Variants in TOP1 observed in about 807,000 individuals in gnomAD.
The protein encoded by TOP1 is DNA topoisomerase I, also known as DNA topoisomerase 1.
A neutral mutation model predicts 111.1 loss-of-function variants in TOP1; 10 were observed. The observed-to-expected ratio is 0.09, with a 90% CI of 0.06 to 0.15. TOP1 has a LOEUF of 0.15. Among genes scored for constraint, TOP1 ranks in the 10% least tolerant of loss-of-function variants. The probability of loss-of-function intolerance (pLI) is 1.00; values close to 1 mark genes in which losing one functional copy is unlikely to be tolerated. For missense variants in TOP1, 474 were observed against 926.7 expected (o/e 0.51, Z 6.34); for synonymous variants, 271 against 302.9 (o/e 0.89, Z 1.10).
Position 41,100,349 on chromosome 20 carries a change from A to G in TOP1, c.1163+106A>G, listed in dbSNP as rs2034042910. The G allele has an allele frequency of 1.1e-6, 1 of 912,598 alleles. No homozygotes were observed. The highest frequency in any genetic ancestry group is 1.6e-6 in the Non-Finnish European group (1 of 607,556). 56.5% of individuals were successfully genotyped at this position (912,598 alleles called of 1,614,324 possible). A position where few individuals can be genotyped will look rare whatever the true frequency, so the allele number is the denominator to read the frequency against. On this transcript the variant is annotated intron_variant, in intron 12 of 20. Transcript: ENST00000361337. The surrounding 1 kb of genome is among the most constrained non-coding windows in gnomAD (Gnocchi z 4.4). ...CACAGGACTGTTTGGGAAGGGAGAT[A>G]CTTAAGAGCAGGACAGTATTTCATG...
rs185785666 is a variant in TOP1 at position 41,034,383 on chromosome 20, G to A, written c.58+4928G>A. ...GTAGAAAATCTAAAATAGAGGCCAG[G>A]GTTGGAATAATTAGCATTTTGCCAA... On this transcript the variant is annotated intron_variant, in intron 2 of 20. Coordinates refer to ENST00000361337, the MANE Select transcript of TOP1 (RefSeq NM_003286.4). This position sits in a 1 kb window ranked among gnomAD's most constrained non-coding sequence, Gnocchi z 4.0. Among the ~76,000 whole-genome samples the A allele has an allele frequency of 6.6e-6, 1 of 152,246 alleles. No individual in the cohort carries two copies. Among genetic ancestry groups the A allele is most frequent in the East Asian group, 1.9e-4 (1 of 5,188 alleles).
intron 3 of TOP1, chr20:41,072,715 C>T (rs2033682267): frequency 2.0e-6 from 2 of 985,262 alleles, no homozygotes; most frequent in African/African-American, 3.5e-5. Flanking sequence ...GAGGCAGGGA[C>T]GGTAACAGCA....
At chr20:41,064,670 T>C (rs1356500289) in intron 3 of TOP1, among the ~76,000 whole-genome samples, 2 of 152,206 alleles carry the variant, frequency 1.3e-5, no homozygotes, top group Non-Finnish European at 2.9e-5. Flanking sequence ...GTCATTCTTT[T>C]AGTTGCAGCT....
In TOP1 at chr20:41,029,153, G is replaced by C; in HGVS notation, c.33+53G>C. The C allele has an allele frequency of 7.3e-7, 1 of 1,373,538 alleles. No homozygotes were observed. The highest frequency in any genetic ancestry group is 3.2e-5 in the Admixed American group (1 of 31,622). 85.1% of individuals were successfully genotyped at this position (1,373,538 alleles called of 1,614,324 possible). On this transcript the variant is annotated intron_variant, in intron 1 of 20. Coordinates refer to ENST00000361337, the MANE Select transcript of TOP1 (RefSeq NM_003286.4). The surrounding 1 kb of genome is among the most constrained non-coding windows in gnomAD (Gnocchi z 6.1). ...CCGGACCCCGGCCTGGCCGTCCCGC[G>C]ACCCCCGGCGCAGGCCCCGACCCCA...
At chr20:41,052,112 C>A (rs1012954175) in intron 2 of TOP1, among the ~76,000 whole-genome samples, 1 of 152,108 alleles carries the variant, frequency 6.6e-6, no homozygotes, top group Non-Finnish European at 1.5e-5. Flanking sequence ...AGATTTGAAG[C>A]TCTTTACCAC....
intron 2 of TOP1, among the ~76,000 whole-genome samples, chr20:41,052,106 T>G (rs929165643): frequency 6.6e-6 from 1 of 152,194 alleles, no homozygotes; most frequent in South Asian, 2.1e-4. Flanking sequence ...GGACAGAGAT[T>G]TGAAGCTCTT....
At chr20:41,076,914 A>G (rs2033733943) in intron 4 of TOP1, among the ~76,000 whole-genome samples, 1 of 152,080 alleles carries the variant, frequency 6.6e-6, no homozygotes, top group African/African-American at 2.4e-5. Context: ...ATTCTTCCAT[A>G]GATACTCTGT....
Position 41,102,549 on chromosome 20 carries a change from G to A in TOP1, c.1308+1196G>A, listed in dbSNP as rs544237644. 5.3e-5 allele frequency among the ~76,000 whole-genome samples: 8 copies of A among 152,304 alleles called. No individual in the cohort carries two copies. In the East Asian group the frequency reaches 9.6e-4, roughly 18 times the overall value. On this transcript the variant is annotated intron_variant, in intron 13 of 20. Transcript: ENST00000361337. This position sits in a 1 kb window ranked among gnomAD's most constrained non-coding sequence, Gnocchi z 4.0. Reference sequence around the variant, plus strand: ...CGCTTGAACCTGGGAGGCAGAGGTCGCAGTGAGCTGAGATCACGCCACTGC... The same window carrying A: ...CGCTTGAACCTGGGAGGCAGAGGTCACAGTGAGCTGAGATCACGCCACTGC...
Position 41,122,075 on chromosome 20 carries a change from C to A in TOP1, c.2115C>A (p.Ala705=), listed in dbSNP as rs2034432586. The change falls in exon 20 of 21, where the codon GCC becomes GCA. Residue 705 remains alanine, a synonymous_variant. Transcript: ENST00000361337. The surrounding 1 kb of genome is among the most constrained non-coding windows in gnomAD (Gnocchi z 5.4). The stretch of plus-strand genomic sequence containing the variant: ...AGTTGATGAAGCTGGAAGTTCAAGC[C>A]ACAGACCGAGAGGAAAATAAACAGA... ...EEQLMKLEVQ[A]TDREENKQIA... is the part of the protein sequence containing the mutation. The A allele has an allele frequency of 1.2e-6, 2 of 1,614,132 alleles. No individual in the cohort carries two copies. Among genetic ancestry groups the A allele is most frequent in the African/African-American group, 2.7e-5 (2 of 75,024 alleles).
chr20:41,029,038 C>G lies in TOP1; in HGVS notation c.-30C>G, dbSNP rs1303892741. ...CTGCGTCTCCCCCACGCCGCCTCGC[C>G]TGCCGCCGCGCTCGTCCCTCCGGGC... On this transcript the variant is annotated 5_prime_UTR_variant, in exon 1 of 21. Transcript: ENST00000361337. The surrounding 1 kb of genome is among the most constrained non-coding windows in gnomAD (Gnocchi z 6.1). 3 of 1,543,640 alleles carry G rather than the reference C, an allele frequency of 1.9e-6. No individual in the cohort carries two copies. In the African/African-American group the frequency reaches 4.2e-5, roughly 22 times the overall value.
chr20:41,040,722 C>T (rs2033252238), intron 2 of TOP1, among the ~76,000 whole-genome samples: 2 of 147,300 alleles, frequency 1.4e-5, no homozygotes, highest in South Asian at 4.3e-4. Context: ...AGGAGAATCA[C>T]TTGAACCTGG....
Position 41,061,523 on chromosome 20 carries a change from T to C in TOP1, c.155+33T>C. ...TGGAATCAAGCAAGTCCCTCATCAT[T>C]CAGCAGTGGGTTGGCCATTGCTTGG... On this transcript the variant is annotated intron_variant, in intron 3 of 20. Transcript: ENST00000361337. The surrounding 1 kb of genome is among the most constrained non-coding windows in gnomAD (Gnocchi z 4.6). 1 of 1,550,630 alleles carries C rather than the reference T, an allele frequency of 6.4e-7. No homozygotes were observed. Among genetic ancestry groups the C allele is most frequent in the Non-Finnish European group, 8.8e-7 (1 of 1,142,452 alleles).
Position 41,116,631 on chromosome 20 carries a change from C to T in TOP1, c.1822+239C>T, listed in dbSNP as rs1379088532. ...TTCATGGAATGCTGACAGCTTTTCACCTGCTACAAAAATGCCTGCATTTGT... is the reference window on the plus strand; with the variant it reads ...TTCATGGAATGCTGACAGCTTTTCATCTGCTACAAAAATGCCTGCATTTGT... On this transcript the variant is annotated intron_variant, in intron 17 of 20. Coordinates refer to ENST00000361337, the MANE Select transcript of TOP1 (RefSeq NM_003286.4). The surrounding 1 kb of genome is among the most constrained non-coding windows in gnomAD (Gnocchi z 5.6). 6.6e-6 allele frequency among the ~76,000 whole-genome samples: 1 copy of T among 152,188 alleles called. No individual in the cohort carries two copies. Among genetic ancestry groups the T allele is most frequent in the Non-Finnish European group, 1.5e-5 (1 of 68,034 alleles).
At chr20:41,113,949 T>C (rs1568705908) in intron 14 of TOP1, 21 bp from the exon 15 acceptor site, 1 of 1,602,548 alleles carries the variant, frequency 6.2e-7, no homozygotes, top group East Asian at 2.2e-5. Flanking sequence ...CATGCTCATC[T>C]TTTCTTTCTT....
rs377572823 is a variant in TOP1, at chr20:41,029,482, G to A, written c.58+27G>A. The A allele has an allele frequency of 1.3e-4, 202 of 1,549,942 alleles. 2 individuals are homozygous for A. The African/African-American group carries it at 2.5e-3, about 19-fold the overall frequency. On this transcript the variant is annotated intron_variant, in intron 2 of 20. Coordinates refer to ENST00000361337, the MANE Select transcript of TOP1 (RefSeq NM_003286.4). This position sits in a 1 kb window ranked among gnomAD's most constrained non-coding sequence, Gnocchi z 6.1. ...TGAGTGTGCCCCCTGCGCCGACTCC[G>A]GGGCCCCCCAGCCGCCGGCCGCCTC...
chr20:41,073,881 A>C (rs2033695671), intron 3 of TOP1, among the ~76,000 whole-genome samples: 1 of 152,216 alleles, frequency 6.6e-6, no homozygotes, highest in African/African-American at 2.4e-5. Flanking sequence ...CAGTATATTC[A>C]TCCATCAATA....
At chr20:41,096,682 A>C (rs957517826) in intron 9 of TOP1, among the ~76,000 whole-genome samples, 5 of 152,238 alleles carry the variant, frequency 3.3e-5, no homozygotes, top group Non-Finnish European at 5.9e-5. Flanking sequence ...TCATATGGGA[A>C]ATCTGGGCTT....
At chr20:41,105,798 A>G (rs1462988736) in intron 13 of TOP1, among the ~76,000 whole-genome samples, 1 of 152,166 alleles carries the variant, frequency 6.6e-6, no homozygotes, top group Non-Finnish European at 1.5e-5. Flanking sequence ...CCCTGCCTCT[A>G]TTCTCTTGTT....
In TOP1 at chr20:41,058,009, G is replaced by GT. The variant is rs1202585844; in HGVS notation, c.59-3380dup. Among the ~76,000 whole-genome samples the GT allele has an allele frequency of 6.6e-6, 1 of 152,168 alleles. No individual in the cohort carries two copies. Among genetic ancestry groups the GT allele is most frequent in the Non-Finnish European group, 1.5e-5 (1 of 68,034 alleles). On this transcript the variant is annotated intron_variant, in intron 2 of 20. Transcript: ENST00000361337. This position sits in a 1 kb window ranked among gnomAD's most constrained non-coding sequence, Gnocchi z 4.2. ...AGCATTTTAAAATTATAGACTCGAGGTTTTTAGAAGAAGCTGAAGGGTTCT... is the reference window on the plus strand; with the variant it reads ...AGCATTTTAAAATTATAGACTCGAGGTTTTTTAGAAGAAGCTGAAGGGTTCT...
Sources: gnomAD v4.1 joint callset for allele counts (sites outside exome capture counted in the v4.1 genomes callset) on GRCh38, gnomAD v4.1.1 for gene constraint, Gnocchi (gnomAD v3.1) non-coding constraint, MANE v1.5 for transcripts, NCBI Gene and HGNC (gene_info 2026-07-23, HGNC 2026-07-21) for gene names.